TDP1: variants seen among roughly 807,000 people sequenced by gnomAD.
TDP1 encodes tyrosyl-DNA phosphodiesterase 1.
In TDP1, 64 loss-of-function variants were observed where a neutral mutation model predicts 81.5. The observed-to-expected ratio is 0.79, with a 90% CI of 0.64 to 0.97. The LOEUF (loss-of-function observed/expected upper bound fraction) is 0.97. Among genes scored for constraint, TDP1 ranks in the 50% least tolerant of loss-of-function variants. The pLI is 0.00. For missense variants in TDP1, 723 were observed against 743.8 expected, an observed-to-expected ratio of 0.97 and a Z score of 0.33; for synonymous variants, 256 against 264.3, an observed-to-expected ratio of 0.97 and a Z score of 0.30.
intron 6 of TDP1, 138 bp downstream of exon 6, chr14:89,971,409 T>G (rs569243377): frequency 1.1e-5 from 8 of 721,112 alleles, no homozygotes; most frequent in Non-Finnish European, 2.0e-5. Flanking sequence ...TAGCCTCAGC[T>G]TAAACACTTC....
chr14:90,001,576 A>G (rs1035569394), intron 14 of TDP1, among the ~76,000 whole-genome samples: 1 of 152,234 alleles, frequency 6.6e-6, no homozygotes, highest in Non-Finnish European at 1.5e-5. Flanking sequence ...CAGATTGGCT[A>G]ATATAGTGCC....
At chr14:90,012,880 A>G (rs754354471) in intron 14 of TDP1, among the ~76,000 whole-genome samples, 1 of 152,218 alleles carries the variant, frequency 6.6e-6, no homozygotes, top group Middle Eastern at 3.2e-3. Context: ...AGCCTGTCCA[A>G]GGTCATGGAA....
intron 14 of TDP1, among the ~76,000 whole-genome samples, chr14:89,996,458 A>G (rs903898498): frequency 1.3e-5 from 2 of 152,082 alleles, no homozygotes; most frequent in African/African-American, 4.8e-5. Flanking sequence ...TCATCTTTTA[A>G]GAGTTGTGTT....
intron 16 of TDP1, chr14:90,042,840 A>G: frequency 4.1e-6 from 4 of 980,694 alleles, no homozygotes; most frequent in Non-Finnish European, 3.6e-6. Context: ...TGAGATTTGG[A>G]TGGGGACACA....
intron 16 of TDP1, among the ~76,000 whole-genome samples, chr14:90,035,733 C>CTTT (rs543354253): frequency 1.4e-5 from 2 of 139,052 alleles, no homozygotes; most frequent in African/African-American, 2.8e-5. Context: ...CCTTTTCTTC[C>CTTT]TTTTTTTTTT....
chr14:89,998,989 C>G (rs1029335975), intron 14 of TDP1, among the ~76,000 whole-genome samples: 1 of 152,052 alleles, frequency 6.6e-6, no homozygotes, highest in Non-Finnish European at 1.5e-5. Flanking sequence ...TAATTGAGTG[C>G]TTTTCTAAAT....
intron 2 of TDP1, among the ~76,000 whole-genome samples, chr14:89,961,197 A>G (rs568844046): frequency 1.3e-5 from 2 of 152,328 alleles, no homozygotes; most frequent in South Asian, 4.1e-4. Flanking sequence ...TGAATGAATT[A>G]CAATTAGGCC....
At chr14:89,998,377 TATA>T (rs1896838517) in intron 14 of TDP1, among the ~76,000 whole-genome samples, 7 of 5,516 alleles carry the variant, frequency 1.3e-3, no homozygotes, top group African/African-American at 2.3e-3. Flanking sequence ...GCACATTATA[TATA>T]TATATATATA....
At chr14:90,040,609 A>C (rs1053526494) in intron 16 of TDP1, among the ~76,000 whole-genome samples, 1 of 152,248 alleles carries the variant, frequency 6.6e-6, no homozygotes, top group African/African-American at 2.4e-5. Context: ...GCACCTAGCA[A>C]ATCTCTGGCA....
intron 14 of TDP1, among the ~76,000 whole-genome samples, chr14:90,006,320 AC>A (rs1897680642): frequency 1.3e-5 from 2 of 152,066 alleles, no homozygotes; most frequent in South Asian, 4.1e-4. Flanking sequence ...CCTGATAGCC[AC>A]CCTGGAAACA....
chr14:90,019,452 C>A, intron 15 of TDP1, 34 bp downstream of exon 15: 1 of 1,136,024 alleles, frequency 8.8e-7, no homozygotes, highest in Non-Finnish European at 1.3e-6. Context: ...CAGTGGGTCA[C>A]ATGGGAGATG....
At chr14:89,983,215 A>G (rs541781065) in intron 8 of TDP1, 1 of 446,896 alleles carries the variant, frequency 2.2e-6, no homozygotes, top group African/African-American at 2.0e-5. Flanking sequence ...TGTCCAGCCC[A>G]ACCTGGTCAT....
chr14:89,989,831 T>C, intron 12 of TDP1, 66 bp downstream of exon 12: 1 of 1,270,826 alleles, frequency 7.9e-7, no homozygotes, highest in Admixed American at 1.7e-5. Context: ...TGGTAAAGTT[T>C]TACTACTATT....
In TDP1 at chr14:89,963,589, G is replaced by C; in HGVS notation, c.475G>C (p.Asp159His). The change falls in exon 3 of 17, where the codon GAT becomes CAT. Residue 159 changes from aspartate (D) to histidine (H), a missense_variant. Asp to His is a moderately conservative substitution (Grantham distance 81). Transcript: ENST00000335725. ...GGGCCAGGACATTTGGGACATGCTGGATAAAGGGAACCCCTTCCAGTTTTA... is the reference window on the plus strand; with the variant it reads ...GGGCCAGGACATTTGGGACATGCTGCATAAAGGGAACCCCTTCCAGTTTTA... ...GEGQDIWDMLDKGNPFQFYLT... is the reference protein window; with the variant it reads ...GEGQDIWDMLHKGNPFQFYLT... The C allele has an allele frequency of 6.2e-7, 1 of 1,614,100 alleles. No homozygotes were observed. The highest frequency in any genetic ancestry group is 1.3e-5 in the African/African-American group (1 of 75,020).
At position 89,970,797 on chromosome 14, in the gene TDP1, C is replaced by T. The variant is rs35482078; in HGVS notation, c.660-378C>T. The stretch of plus-strand genomic sequence containing the variant: ...AGGAAGCTAGCATTCCTTAATGAGG[C>T]GAGTCCAGCTTCATGAATGATGTAT... On this transcript the variant is annotated intron_variant, in intron 5 of 16. Transcript: ENST00000335725. 946 of 949,520 alleles carry T rather than the reference C, an allele frequency of 1.0e-3. 6 individuals carry two copies. The African/African-American group carries it at 0.015, about 16-fold the overall frequency. The allele number at this position is 949,520 out of a possible 1,614,324, so 58.8% of individuals were successfully genotyped here.
chr14:90,017,622 T>C (rs1885468663), intron 14 of TDP1, among the ~76,000 whole-genome samples: 2 of 152,166 alleles, frequency 1.3e-5, no homozygotes. Context: ...ACCTCCCGTC[T>C]TTGTTGTCAT....
chr14:89,990,249 G>T (rs1220706084), intron 12 of TDP1, among the ~76,000 whole-genome samples: 1 of 152,126 alleles, frequency 6.6e-6, no homozygotes, highest in African/African-American at 2.4e-5. Flanking sequence ...GGTGTCATCT[G>T]CAAATGCCTA....
At chr14:90,030,266 C>T (rs76906253) in intron 15 of TDP1, among the ~76,000 whole-genome samples, 8,322 of 152,290 alleles carry the variant, frequency 0.055, 378 homozygotes, top group African/African-American at 0.12. Flanking sequence ...TCAGTGCCCT[C>T]GCCCTCCCGG....
chr14:90,022,918 G>A (rs1326073344), intron 15 of TDP1: 2 of 755,148 alleles, frequency 2.6e-6, no homozygotes, highest in Non-Finnish European at 4.5e-6. Flanking sequence ...CAGCCCGACG[G>A]TTCCCTCCTC....
Sources: allele counts gnomAD v4.1 joint callset (sites outside exome capture counted in the v4.1 genomes callset), GRCh38; gene constraint gnomAD v4.1.1; transcripts MANE v1.5; gene names NCBI Gene and HGNC (gene_info 2026-07-23, HGNC 2026-07-21).